The following SUMF1 variants were observed in gnomAD, a reference collection of about 807,000 sequenced individuals.
The protein encoded by SUMF1 is formylglycine-generating enzyme.
A neutral mutation model predicts 47.6 loss-of-function variants in SUMF1; 48 were observed. The observed-to-expected ratio is 1.01, with a 90% CI of 0.80 to 1.28. The LOEUF (loss-of-function observed/expected upper bound fraction) is 1.28. Ranked by LOEUF, SUMF1 falls within the 50% of genes most tolerant of loss-of-function variation. SUMF1 has a pLI of 0.00. For missense variants in SUMF1, 571 were observed against 485.4 expected, an observed-to-expected ratio of 1.18 and a Z score of -1.66; for synonymous variants, 230 against 192.1, an observed-to-expected ratio of 1.20 and a Z score of -1.63.
chr3:4,319,199 G>A (rs1187883520), intron 8 of SUMF1, among the ~76,000 whole-genome samples: 1 of 152,118 alleles, frequency 6.6e-6, no homozygotes, highest in East Asian at 1.9e-4. Context: ...CAGTTTGGTG[G>A]GCTCTTAAAA....
At chr3:4,262,091 C>G (rs932377899) in intron 8 of SUMF1, among the ~76,000 whole-genome samples, 26 of 152,060 alleles carry the variant, frequency 1.7e-4, no homozygotes, top group Admixed American at 1.2e-3. Flanking sequence ...CTGCTATAAG[C>G]CAAAATATGT....
At chr3:4,273,590 C>T (rs1188338395) in intron 8 of SUMF1, among the ~76,000 whole-genome samples, 1 of 151,570 alleles carries the variant, frequency 6.6e-6, no homozygotes, top group Admixed American at 6.6e-5. Context: ...TGTGATGGCA[C>T]CACTCTGTGA....
intron 8 of SUMF1, among the ~76,000 whole-genome samples, chr3:4,216,144 T>C (rs1269392452): frequency 2.0e-5 from 3 of 152,104 alleles, no homozygotes; most frequent in Non-Finnish European, 2.9e-5. Context: ...CAAACTATAT[T>C]ACAAGGCTAC....
Position 4,133,829 on chromosome 3 carries a change from T to C in SUMF1, c.1015-65084A>G, listed in dbSNP as rs567625504. Among the ~76,000 whole-genome samples the C allele has an allele frequency of 2.0e-5, 3 of 152,212 alleles. No individual in the cohort carries two copies. In the South Asian group the frequency reaches 6.2e-4, roughly 32 times the overall value. Reference sequence around the variant, plus strand: ...TATATATGTATATCTATTCTATTAGTTCTGTCCCTCTAGAGAACTCTGACT... The same window carrying C: ...TATATATGTATATCTATTCTATTAGCTCTGTCCCTCTAGAGAACTCTGACT... On this transcript the variant is annotated intron_variant and NMD_transcript_variant, in intron 8 of 12. Coordinates refer to the SUMF1 transcript ENST00000448413.
intron 8 of SUMF1, among the ~76,000 whole-genome samples, chr3:4,209,372 T>C (rs991455407): frequency 2.0e-5 from 3 of 152,194 alleles, no homozygotes; most frequent in African/African-American, 7.2e-5. Context: ...ATTCAGTTTC[T>C]GTCATTACCT....
chr3:4,466,876 A>T (rs2079962331), intron 1 of SUMF1, 100 bp downstream of exon 1: 1 of 1,510,444 alleles, frequency 6.6e-7, no homozygotes, highest in South Asian at 1.2e-5. Context: ...GTGTGGTTAT[A>T]ACCTTTACTT....
chr3:4,371,801 T>C (rs957214416), intron 8 of SUMF1, among the ~76,000 whole-genome samples: 5 of 152,220 alleles, frequency 3.3e-5, no homozygotes, highest in East Asian at 1.9e-4. Flanking sequence ...TGAGGAAAAA[T>C]TGAGGCACAC....
chr3:4,082,071 CA>C (rs1256582874), intron 8 of SUMF1, among the ~76,000 whole-genome samples: 1 of 152,106 alleles, frequency 6.6e-6, no homozygotes, highest in East Asian at 1.9e-4. Context: ...AGATATTGAT[CA>C]AGCACATATG....
intron 8 of SUMF1, among the ~76,000 whole-genome samples, chr3:4,234,457 TATGTAG>T (rs1440287306): frequency 2.6e-5 from 4 of 152,116 alleles, no homozygotes; most frequent in Non-Finnish European, 5.9e-5. Flanking sequence ...GCTAACTCCC[TATGTAG>T]ATGCTGGATG....
intron 8 of SUMF1, among the ~76,000 whole-genome samples, chr3:4,334,505 C>T (rs1699107641): frequency 6.6e-6 from 1 of 152,216 alleles, no homozygotes; most frequent in Admixed American, 6.5e-5. Flanking sequence ...TCTTTCAGGA[C>T]ATGTTCTCTA....
intron 3 of SUMF1, among the ~76,000 whole-genome samples, chr3:4,447,195 T>A (rs60585243): frequency 2.0e-4 from 30 of 151,974 alleles, no homozygotes; most frequent in Middle Eastern, 3.4e-3. Context: ...AAAGATTTTT[T>A]TAAAAAAAAA....
At chr3:4,273,704 A>AGGGAGGATACGGGAGGGAGGATACGGGAG (rs1697349859) in intron 8 of SUMF1, among the ~76,000 whole-genome samples, 1 of 97,876 alleles carries the variant, frequency 1.0e-5, no homozygotes, top group Non-Finnish European at 1.9e-5. Flanking sequence ...AGGATACGGG[A>AGGGAGGATACGGGAGGGAGGATACGGGAG]GGGAGGATAC....
chr3:4,213,730 T>C lies in SUMF1; in HGVS notation c.1015-144985A>G, dbSNP rs148837285. ...GATGGAGGAATATTTACCAAGCAAA[T>C]GGAAAGCAAAAAAAGCAGGAGTTGC... On this transcript the variant is annotated intron_variant and NMD_transcript_variant, in intron 8 of 12. Transcript: ENST00000448413. Among the ~76,000 whole-genome samples the C allele has an allele frequency of 9.5e-3, 1,449 of 151,918 alleles. 13 individuals are homozygous for C. Among genetic ancestry groups the C allele is most frequent in the South Asian group, 0.031 (147 of 4,816 alleles).
chr3:4,293,592 G>C lies in SUMF1; in HGVS notation c.1014+82738C>G, dbSNP rs112958754. On this transcript the variant is annotated intron_variant and NMD_transcript_variant, in intron 8 of 12. Coordinates refer to the SUMF1 transcript ENST00000448413. The stretch of plus-strand genomic sequence containing the variant: ...TTCTATTATTCAGTTCCCTCACTCA[G>C]GTAACTCACAATTAGTAAAATTATA... Among the ~76,000 whole-genome samples the C allele has an allele frequency of 2.4e-4, 36 of 152,250 alleles. 2 individuals carry two copies. Among genetic ancestry groups the C allele is most frequent in the African/African-American group, 8.4e-4 (35 of 41,540 alleles).
At chr3:4,364,640 G>A (rs1399950974) in intron 8 of SUMF1, among the ~76,000 whole-genome samples, 4 of 150,430 alleles carry the variant, frequency 2.7e-5, no homozygotes, top group South Asian at 2.1e-4. Flanking sequence ...TCTTGCTAGC[G>A]GTCTATCAAT....
intron 8 of SUMF1, among the ~76,000 whole-genome samples, chr3:4,264,761 C>A (rs192271941): frequency 6.6e-6 from 1 of 152,114 alleles, no homozygotes; most frequent in East Asian, 1.9e-4. Flanking sequence ...ATAAAAGTGA[C>A]ATTTAACTAC....
At chr3:4,456,829 T>A (rs201423853) in intron 1 of SUMF1, among the ~76,000 whole-genome samples, 2 of 40,174 alleles carry the variant, frequency 5.0e-5, no homozygotes, top group Non-Finnish European at 9.9e-5. Context: ...TGTGTATATA[T>A]ACGTGTATAT....
Position 4,245,758 on chromosome 3 carries a change from T to A in SUMF1, c.1014+130572A>T, listed in dbSNP as rs559854233. On this transcript the variant is annotated intron_variant and NMD_transcript_variant, in intron 8 of 12. Coordinates refer to the SUMF1 transcript ENST00000448413. ...GAGCTTGAATGCCATGCCGGTAGAA[T>A]GACTGCTCTCTTCAGAGCTGTCAGG... 3.3e-5 allele frequency among the ~76,000 whole-genome samples: 5 copies of A among 152,312 alleles called. No homozygotes were observed. In the South Asian group the frequency reaches 1.0e-3, roughly 32 times the overall value.
At chr3:4,335,960 C>CAAAAAAAAAAAAAAAAAAAAAAAAAAA (rs770091674) in intron 8 of SUMF1, among the ~76,000 whole-genome samples, 4 of 73,894 alleles carry the variant, frequency 5.4e-5, no homozygotes, top group African/African-American at 1.4e-4. Flanking sequence ...GATTCCAACT[C>CAAAAAAAAAAAAAAAAAAAAAAAAAAA]AAAAAAAAAA....
Sources: gnomAD v4.1 joint callset for allele counts (sites outside exome capture counted in the v4.1 genomes callset) on GRCh38, gnomAD v4.1.1 for gene constraint, MANE v1.5 for transcripts, NCBI Gene and HGNC (gene_info 2026-07-23, HGNC 2026-07-21) for gene names.